Variants in NRXN1 observed in about 807,000 individuals in gnomAD.
NRXN1 encodes neurexin-1.
In NRXN1, 39 loss-of-function variants were observed where a neutral mutation model predicts 150.9. The observed-to-expected ratio is 0.26, with a 90% confidence interval of 0.20 to 0.34. The LOEUF (loss-of-function observed/expected upper bound fraction) is 0.34, where lower values mean the gene tolerates loss of function less well. Ranked by LOEUF, NRXN1 falls within the 10% of genes least tolerant of loss-of-function variation. NRXN1 has a pLI of 1.00. For synonymous variants in NRXN1, 924 were observed against 757.0 expected (o/e 1.22, Z -3.62); for missense variants, 1,815 against 1,949.9 (o/e 0.93, Z 1.30).
chr2:51,000,421 G>C (rs1699881032), intron 2 of NRXN1, among the ~76,000 whole-genome samples: 1 of 151,774 alleles, frequency 6.6e-6, no homozygotes, highest in East Asian at 1.9e-4. Flanking sequence ...CACTATACAA[G>C]GCTCTATCCT....
intron 21 of NRXN1, among the ~76,000 whole-genome samples, chr2:49,993,345 C>G (rs1032217978): frequency 1.3e-5 from 2 of 152,120 alleles, no homozygotes; most frequent in Admixed American, 1.3e-4. Flanking sequence ...AACCATATGA[C>G]ATTCTAGAAG....
At chr2:50,434,235 A>ATT (rs113653104) in intron 17 of NRXN1, among the ~76,000 whole-genome samples, 31 of 150,052 alleles carry the variant, frequency 2.1e-4, no homozygotes, top group Middle Eastern at 3.4e-3. Flanking sequence ...AATTTTTTGT[A>ATT]TTTTTTGTTG....
intron 13 of NRXN1, among the ~76,000 whole-genome samples, chr2:50,503,061 A>G (rs985844201): frequency 2.0e-5 from 3 of 152,142 alleles, no homozygotes; most frequent in African/African-American, 7.2e-5. Flanking sequence ...TAATCCCGGT[A>G]CTTTGGGAGG....
intron 17 of NRXN1, among the ~76,000 whole-genome samples, chr2:50,339,436 C>T (rs751931067): frequency 3.7e-4 from 57 of 152,100 alleles, no homozygotes; most frequent in Non-Finnish European, 3.2e-4. Flanking sequence ...AAAATGACTA[C>T]AAGATTCAAA....
At chr2:50,912,624 T>A (rs1335607737) in intron 5 of NRXN1, among the ~76,000 whole-genome samples, 1 of 151,456 alleles carries the variant, frequency 6.6e-6, no homozygotes, top group African/African-American at 2.4e-5. Flanking sequence ...GGTAGAACAA[T>A]AGTAATGATC....
intron 17 of NRXN1, among the ~76,000 whole-genome samples, chr2:50,313,586 C>A (rs78547235): frequency 0.029 from 4,488 of 152,146 alleles, 228 homozygotes; most frequent in African/African-American, 0.1. Context: ...GGAATCTGGG[C>A]AGGTATAACA....
chr2:49,931,032 C>T (rs368165573), intron 22 of NRXN1, among the ~76,000 whole-genome samples: 40 of 152,182 alleles, frequency 2.6e-4, no homozygotes, highest in African/African-American at 8.2e-4. Context: ...TACTCGAGTC[C>T]GAGGTGGGAG....
chr2:49,927,956 A>C (rs973550663), intron 22 of NRXN1, among the ~76,000 whole-genome samples: 5 of 152,170 alleles, frequency 3.3e-5, no homozygotes, highest in Admixed American at 2.6e-4. Context: ...TCTTCAGTAT[A>C]GACTGTTAAT....
intron 5 of NRXN1, among the ~76,000 whole-genome samples, chr2:50,818,941 C>T (rs769230543): frequency 1.3e-5 from 2 of 151,908 alleles, no homozygotes; most frequent in Non-Finnish European, 2.9e-5. Context: ...CAAGGAAATG[C>T]AAATCAAAAC....
intron 5 of NRXN1, among the ~76,000 whole-genome samples, chr2:50,840,576 T>A (rs896416743): frequency 6.6e-6 from 1 of 152,130 alleles, no homozygotes; most frequent in Non-Finnish European, 1.5e-5. Flanking sequence ...GTACTTACTA[T>A]GCCCCTCAAC....
At chr2:50,183,835 A>G (rs2060896264) in intron 18 of NRXN1, among the ~76,000 whole-genome samples, 1 of 151,908 alleles carries the variant, frequency 6.6e-6, no homozygotes. Context: ...ATTAAAGATT[A>G]GTTTGCATTT....
chr2:50,761,969 G>A (rs537398848), intron 5 of NRXN1, among the ~76,000 whole-genome samples: 48 of 151,976 alleles, frequency 3.2e-4, no homozygotes, highest in African/African-American at 1.1e-3. Context: ...GCCACAGAAT[G>A]AACGTTGCAC....
intron 5 of NRXN1, among the ~76,000 whole-genome samples, chr2:50,692,077 C>T (rs1018702926): frequency 2.6e-5 from 4 of 152,036 alleles, no homozygotes; most frequent in African/African-American, 9.7e-5. Context: ...AGGTTATAAA[C>T]AAAGATCCGA....
chr2:50,635,560 A>G (rs1464930055), intron 5 of NRXN1, among the ~76,000 whole-genome samples: 1 of 152,060 alleles, frequency 6.6e-6, no homozygotes, highest in Non-Finnish European at 1.5e-5. Flanking sequence ...AGCAAGTCTG[A>G]TGCATACAAA....
intron 17 of NRXN1, among the ~76,000 whole-genome samples, chr2:50,319,064 G>A (rs1044137168): frequency 6.6e-5 from 10 of 152,022 alleles, no homozygotes; most frequent in Non-Finnish European, 4.4e-5. Context: ...TAAAATTTGG[G>A]ATTTTTATTA....
At chr2:50,190,046 G>C (rs902768880) in intron 18 of NRXN1, among the ~76,000 whole-genome samples, 1 of 152,078 alleles carries the variant, frequency 6.6e-6, no homozygotes, top group Admixed American at 6.6e-5. Flanking sequence ...CTATGTCATT[G>C]ATAAACAATG....
At chr2:50,986,056 TAG>T (rs767211044) in intron 2 of NRXN1, among the ~76,000 whole-genome samples, 3 of 151,714 alleles carry the variant, frequency 2.0e-5, no homozygotes, top group Non-Finnish European at 3.0e-5. Flanking sequence ...TCTGTATTAA[TAG>T]AGTTAATAAA....
intron 17 of NRXN1, among the ~76,000 whole-genome samples, chr2:50,407,438 T>C (rs2082828400): frequency 6.6e-6 from 1 of 152,172 alleles, no homozygotes; most frequent in African/African-American, 2.4e-5. Context: ...AATCACTGTC[T>C]TCAGCCTCAT....
chr2:50,493,496 T>C (rs1164488028), intron 15 of NRXN1, among the ~76,000 whole-genome samples: 18 of 152,128 alleles, frequency 1.2e-4, no homozygotes, highest in Non-Finnish European at 2.2e-4. Flanking sequence ...ACGGAGAGCT[T>C]TGCATTGCAG....
Sources: gnomAD v4.1 joint callset for allele counts (sites outside exome capture counted in the v4.1 genomes callset) on GRCh38, gnomAD v4.1.1 for gene constraint, MANE v1.5 for transcripts, NCBI Gene and HGNC (gene_info 2026-07-23, HGNC 2026-07-21) for gene names.